SALL1: variants seen among roughly 807,000 people sequenced by gnomAD.
SALL1 encodes the protein sal-like protein 1.
SALL1 carries 10 observed loss-of-function variants against 73.1 expected under a neutral mutation model. The observed-to-expected ratio is 0.14, with a 90% CI of 0.08 to 0.23. SALL1 has a LOEUF of 0.23. Among genes scored for constraint, SALL1 ranks in the 10% least tolerant of loss-of-function variants. SALL1 has a pLI of 1.00. For missense variants in SALL1, 1,520 were observed against 1,697.3 expected (o/e 0.90, Z 1.84); for synonymous variants, 688 against 689.8 (o/e 1.00, Z 0.04).
Position 51,141,653 on chromosome 16 carries a change from A to G in SALL1, c.569T>C (p.Val190Ala). 6.2e-7 allele frequency: 1 copy of G among 1,613,696 alleles called. No individual in the cohort carries two copies. The highest frequency in any genetic ancestry group is 1.1e-5 in the South Asian group (1 of 91,046). ...CTCGATGATGACGTTGCTGTTGATT[A>G]CGGAGAAGTTGCCCAGTGTTGTCAG... Reference protein sequence around the residue: ...GDLTTLGNFSVINSNVIIENL... With the variant: ...GDLTTLGNFSAINSNVIIENL... The change falls in exon 2 of 3, where the codon GTA (valine) becomes GCA (alanine). Residue 190 changes from valine (V) to alanine (A), a missense_variant. Physicochemically the swap from Val to Ala is moderately conservative, Grantham distance 64. Transcript: ENST00000251020. This position sits in a 1 kb window ranked among gnomAD's most constrained non-coding sequence, Gnocchi z 5.4.
At chr16:51,147,165 C>G (rs889268310) in intron 1 of SALL1, among the ~76,000 whole-genome samples, 31 of 152,188 alleles carry the variant, frequency 2.0e-4, no homozygotes, top group African/African-American at 6.5e-4. Context: ...AGAACCTATA[C>G]GTTGGCACTT....
In SALL1 at chr16:51,140,661, G is replaced by C; in HGVS notation, c.1561C>G (p.Pro521Ala). 1 of 1,614,160 alleles carries C rather than the reference G, an allele frequency of 6.2e-7. No individual in the cohort carries two copies. Among genetic ancestry groups the C allele is most frequent in the Non-Finnish European group, 8.5e-7 (1 of 1,180,018 alleles). ...CCATATGGGATGCCAGTACTCGTGGGGATATTGTCCAAATGCTCAGGCACA... is the reference window on the plus strand; with the variant it reads ...CCATATGGGATGCCAGTACTCGTGGCGATATTGTCCAAATGCTCAGGCACA... ...YPVPEHLDNI[P>A]TSTGIPYGMS... The change falls in exon 2 of 3, where the codon CCC becomes GCC. Residue 521 changes from proline (P) to alanine (A), a missense_variant. By Grantham distance (27) the Pro-to-Ala change is conservative (BLOSUM62 -1). This residue lies in a region of SALL1 where 276 missense variants were observed against 259.1 expected (regional missense o/e 1.07). Transcript: ENST00000251020. This position sits in a 1 kb window ranked among gnomAD's most constrained non-coding sequence, Gnocchi z 5.7.
At chr16:51,143,333 A>T (rs186470314) in intron 1 of SALL1, 1 of 430,582 alleles carries the variant, frequency 2.3e-6, no homozygotes, top group East Asian at 7.4e-5. Context: ...CAAAGACAGG[A>T]TGGCTTCCCA....
chr16:51,136,643 G>T lies in SALL1; in HGVS notation c.*469C>A, dbSNP rs779721202. ...TCTGTTTTGAAAGATTAGACAATGT[G>T]TTTGCTGATAAAATTTTCCAGCAGG... On this transcript the variant is annotated 3_prime_UTR_variant, in exon 3 of 3. Coordinates refer to ENST00000251020, the MANE Select transcript of SALL1 (RefSeq NM_002968.3). 1 of 166,838 alleles carries T rather than the reference G, an allele frequency of 6.0e-6. No homozygotes were observed. Among genetic ancestry groups the T allele is most frequent in the Non-Finnish European group, 1.3e-5 (1 of 76,560 alleles). The allele number at this position is 166,838 out of a possible 1,614,324, so 10.3% of individuals were successfully genotyped here.
At chr16:51,145,222 AC>A (rs1962498584) in intron 1 of SALL1, among the ~76,000 whole-genome samples, 1 of 92,170 alleles carries the variant, frequency 1.1e-5, no homozygotes, top group African/African-American at 5.2e-5. Context: ...ACACATACAC[AC>A]ACACACACAC....
intron 1 of SALL1, among the ~76,000 whole-genome samples, chr16:51,147,072 G>A (rs1286477867): frequency 6.6e-6 from 1 of 152,150 alleles, no homozygotes; most frequent in East Asian, 1.9e-4. Flanking sequence ...AAAATGTGGA[G>A]TTCTACCTTC....
At chr16:51,138,313 G>A (rs1482055510) in intron 2 of SALL1, among the ~76,000 whole-genome samples, 1 of 152,128 alleles carries the variant, frequency 6.6e-6, no homozygotes, top group African/African-American at 2.4e-5. Flanking sequence ...AGTGATACGG[G>A]CAGCACACAG....
Position 51,138,946 on chromosome 16 carries a change from G to T in SALL1, c.3276C>A (p.Phe1092Leu), listed in dbSNP as rs768302293. 6 of 1,614,054 alleles carry T rather than the reference G, an allele frequency of 3.7e-6. No individual in the cohort carries two copies. The African/African-American group carries it at 8.0e-5, about 22-fold the overall frequency. Reference protein sequence around the residue: ...SSLIKTEVNGFVHVSPQDSKD... With the variant: ...SSLIKTEVNGLVHVSPQDSKD... Reference sequence around the variant, plus strand: ...TACTGTCCTGAGGAGAAACATGCACGAAGCCGTTGACCTCTGTCTTGATGA... The same window carrying T: ...TACTGTCCTGAGGAGAAACATGCACTAAGCCGTTGACCTCTGTCTTGATGA... The change falls in exon 2 of 3, where the codon TTC becomes TTA. Residue 1092 changes from phenylalanine to leucine, a missense_variant. By Grantham distance (22) the Phe-to-Leu change is conservative (BLOSUM62 0). Around this residue, in one of 7 missense-constraint regions of SALL1, gnomAD observed 318 missense variants for 357.1 expected, o/e 0.89. Transcript: ENST00000251020.
At chr16:51,148,559 A>C (rs1962550526) in intron 1 of SALL1, among the ~76,000 whole-genome samples, 1 of 152,134 alleles carries the variant, frequency 6.6e-6, no homozygotes, top group African/African-American at 2.4e-5. Flanking sequence ...AAATCCAGCT[A>C]CTCCTAGAAG....
rs747035568 is a variant in SALL1 at position 51,139,663 on chromosome 16, A to G, written c.2559T>C (p.Ser853=). ...SADASQDSLS[S]SPLPLEMSSI... ...TCGACATCTCGAGGGGCAAAGGCGA[A>G]GAGGATAAGCTGTCTTGGGAGGCGT... The change falls in exon 2 of 3, where the codon TCT becomes TCC. Residue 853 remains serine, a synonymous_variant. Coordinates refer to ENST00000251020, the MANE Select transcript of SALL1 (RefSeq NM_002968.3). 5 of 1,614,026 alleles carry G rather than the reference A, an allele frequency of 3.1e-6. No individual in the cohort carries two copies. The East Asian group carries it at 6.7e-5, about 22-fold the overall frequency.
chr16:51,150,172 T>C (rs1004613750), intron 1 of SALL1, among the ~76,000 whole-genome samples: 2 of 152,178 alleles, frequency 1.3e-5, no homozygotes, highest in African/African-American at 4.8e-5. Flanking sequence ...CTCTCTGCCA[T>C]AGCCCCCACA....
rs1962405045 is a variant in SALL1, at chr16:51,140,543, G to A, written c.1679C>T (p.Pro560Leu). ...GGGTATGAGGCTTGGGAGGGTTGGGGGCAACGGCAGGCCGACTGAAGTGGT... is the reference window on the plus strand; with the variant it reads ...GGGTATGAGGCTTGGGAGGGTTGGGAGCAACGGCAGGCCGACTGAAGTGGT... ...TLTTSVGLPL[P>L]PTLPSLIPFI... The change falls in exon 2 of 3, where the codon CCC becomes CTC. Residue 560 changes from proline (P) to leucine (L), a missense_variant. Pro to Leu is a moderately conservative substitution (Grantham distance 98). This residue lies in a region of SALL1 where 276 missense variants were observed against 259.1 expected (regional missense o/e 1.07). Coordinates refer to ENST00000251020, the MANE Select transcript of SALL1 (RefSeq NM_002968.3). This position sits in a 1 kb window ranked among gnomAD's most constrained non-coding sequence, Gnocchi z 5.7. 1 of 1,613,970 alleles carries A rather than the reference G, an allele frequency of 6.2e-7. No individual in the cohort carries two copies.
At chr16:51,150,125 C>T (rs975444762) in intron 1 of SALL1, among the ~76,000 whole-genome samples, 6 of 152,186 alleles carry the variant, frequency 3.9e-5, no homozygotes, top group Non-Finnish European at 8.8e-5. Context: ...CAGGTGTCCT[C>T]CCTTTGTACC....
At chr16:51,143,690 T>C (rs1962476723) in intron 1 of SALL1, among the ~76,000 whole-genome samples, 1 of 152,338 alleles carries the variant, frequency 6.6e-6, no homozygotes, top group Admixed American at 6.5e-5. Context: ...ATAAAATTAA[T>C]ACCTAAATAC....
In SALL1 at chr16:51,139,365, G is replaced by A; in HGVS notation, c.2857C>T (p.Pro953Ser). Residue 953 changes from proline (P) to serine (S), a missense_variant, in exon 2 of 3, where the codon CCA (proline) becomes TCA (serine). Physicochemically the swap from Pro to Ser is moderately conservative, Grantham distance 74 (BLOSUM62 -1). Around this residue, in one of 7 missense-constraint regions of SALL1, gnomAD observed 266 missense variants for 275.1 expected, o/e 0.97. Coordinates refer to ENST00000251020, the MANE Select transcript of SALL1 (RefSeq NM_002968.3). ...GACAAACCATTGGCAAACTCGCTTGGGACCGCTCTCTGTGGTTTCTCCTCA... is the reference window on the plus strand; with the variant it reads ...GACAAACCATTGGCAAACTCGCTTGAGACCGCTCTCTGTGGTTTCTCCTCA... ...SIEEKPQRAV[P>S]SEFANGLSPT... 4 of 1,614,116 alleles carry A rather than the reference G, an allele frequency of 2.5e-6. No individual in the cohort carries two copies. The highest frequency in any genetic ancestry group is 3.4e-6 in the Non-Finnish European group (4 of 1,180,028).
At position 51,139,005 on chromosome 16, in the gene SALL1, A is replaced by C; in HGVS notation, c.3217T>G (p.Ser1073Ala). Residue 1073 changes from serine to alanine, a missense_variant, in exon 2 of 3, where the codon TCA becomes GCA. Transcript: ENST00000251020. ...PSSNLGPNQN[S>A]AVIPANSLSS... Reference sequence around the variant, plus strand: ...AACGAGTTGGCGGGAATCACCGCTGAGTTCTGATTGGGGCCAAGGTTGGAA... The same window carrying C: ...AACGAGTTGGCGGGAATCACCGCTGCGTTCTGATTGGGGCCAAGGTTGGAA... 6.2e-7 allele frequency: 1 copy of C among 1,614,156 alleles called. No individual in the cohort carries two copies. The highest frequency in any genetic ancestry group is 8.5e-7 in the Non-Finnish European group (1 of 1,180,048).
Position 51,140,012 on chromosome 16 carries a change from T to A in SALL1, c.2210A>T (p.Lys737Met). The A allele has an allele frequency of 6.2e-7, 1 of 1,614,226 alleles. No individual in the cohort carries two copies. The highest frequency in any genetic ancestry group is 8.5e-7 in the Non-Finnish European group (1 of 1,180,030). ...CGTGGTGAAAGCCCGGCCACAGATCTTACACTTAAAGGGCCTCTCCCCAGT... is the reference window on the plus strand; with the variant it reads ...CGTGGTGAAAGCCCGGCCACAGATCATACACTTAAAGGGCCTCTCCCCAGT... ...THTGERPFKC[K>M]ICGRAFTTKG... Residue 737 changes from lysine (K) to methionine (M), a missense_variant, in exon 2 of 3, where the codon AAG becomes ATG. By Grantham distance (95) the Lys-to-Met change is moderately conservative. Coordinates refer to ENST00000251020, the MANE Select transcript of SALL1 (RefSeq NM_002968.3). The surrounding 1 kb of genome is among the most constrained non-coding windows in gnomAD (Gnocchi z 5.7).
upstream of SALL1, among the ~76,000 whole-genome samples, chr16:51,151,750 C>A (rs905652610): frequency 6.6e-6 from 1 of 151,702 alleles, no homozygotes; most frequent in Non-Finnish European, 1.5e-5. Context: ...CTTCGCCCCC[C>A]CCCACAATCC....
chr16:51,139,760 A>G lies in SALL1; in HGVS notation c.2462T>C (p.Leu821Pro). Reference sequence around the variant, plus strand: ...CATGTTTTCATCAGAGAAGTTGTCTAGGTCATCAAAATTTTTCTCATCAAA... The same window carrying G: ...CATGTTTTCATCAGAGAAGTTGTCTGGGTCATCAAAATTTTTCTCATCAAA... ...GSFDEKNFDD[L>P]DNFSDENMED... is the part of the protein sequence containing the mutation. The change falls in exon 2 of 3, where the codon CTA (leucine) becomes CCA (proline). Residue 821 changes from leucine to proline, a missense_variant. Leu to Pro is a moderately conservative substitution (Grantham distance 98). Coordinates refer to ENST00000251020, the MANE Select transcript of SALL1 (RefSeq NM_002968.3). 6.2e-7 allele frequency: 1 copy of G among 1,614,150 alleles called. No homozygotes were observed.
Sources: gnomAD v4.1 joint callset for allele counts (sites outside exome capture counted in the v4.1 genomes callset) on GRCh38, gnomAD v4.1.1 for gene constraint, gnomAD v4.1.1 regional missense constraint, Gnocchi (gnomAD v3.1) non-coding constraint, MANE v1.5 for transcripts, NCBI Gene and HGNC (gene_info 2026-07-23, HGNC 2026-07-21) for gene names.